The following SYT6 variants were observed in gnomAD, a reference collection of about 807,000 sequenced individuals.
The protein encoded by SYT6 is synaptotagmin-6.
SYT6 carries 24 observed loss-of-function variants against 38.4 expected under a neutral mutation model. That is an observed-to-expected ratio of 0.62 (90% confidence interval 0.45 to 0.88). The LOEUF (loss-of-function observed/expected upper bound fraction) is 0.88. SYT6 is among the 40% of genes least tolerant of loss of function. SYT6 has a pLI of 0.00. For missense variants in SYT6, 611 were observed against 621.0 expected (o/e 0.98, Z 0.17); for synonymous variants, 265 against 241.9 (o/e 1.10, Z -0.89).
chr1:114,119,295 C>T (rs991124841), intron 3 of SYT6, among the ~76,000 whole-genome samples: 3 of 152,190 alleles, frequency 2.0e-5, no homozygotes, highest in African/African-American at 7.2e-5. Context: ...TTTCCAATTC[C>T]ATCCCACAAG....
chr1:114,125,402 T>C (rs1187128465), intron 3 of SYT6, among the ~76,000 whole-genome samples: 1 of 152,208 alleles, frequency 6.6e-6, no homozygotes, highest in African/African-American at 2.4e-5. Context: ...TGGAAAGCTC[T>C]CTACTCAGAT....
At chr1:114,103,379 C>G (rs901856783) in intron 4 of SYT6, among the ~76,000 whole-genome samples, 35 of 152,390 alleles carry the variant, frequency 2.3e-4, no homozygotes, top group African/African-American at 8.4e-4. Context: ...CTCCTGAAAG[C>G]AACCCATGTA....
intron 3 of SYT6, among the ~76,000 whole-genome samples, chr1:114,105,739 G>A (rs1258388312): frequency 6.6e-6 from 1 of 152,186 alleles, no homozygotes; most frequent in Non-Finnish European, 1.5e-5. Context: ...TACAAGCCTT[G>A]CCAGCTGCTT....
intron 3 of SYT6, among the ~76,000 whole-genome samples, chr1:114,125,964 C>T (rs1677704673): frequency 6.6e-6 from 1 of 152,090 alleles, no homozygotes; most frequent in African/African-American, 2.4e-5. Flanking sequence ...CCTTTAACTC[C>T]AAATTCTGTC....
chr1:114,102,288 C>T (rs902967148), intron 4 of SYT6, among the ~76,000 whole-genome samples: 2 of 152,174 alleles, frequency 1.3e-5, no homozygotes, highest in African/African-American at 2.4e-5. Context: ...TAAGCTTTTC[C>T]CAGGCCAGAA....
At chr1:114,103,793 G>A in intron 3 of SYT6, 72 bp from the exon 4 acceptor site, 1 of 1,547,514 alleles carries the variant, frequency 6.5e-7, no homozygotes, top group Non-Finnish European at 8.7e-7. Context: ...TGCAGTATCT[G>A]CTGGGGCGCT....
intron 3 of SYT6, among the ~76,000 whole-genome samples, chr1:114,133,033 G>T (rs566103648): frequency 4.1e-4 from 63 of 152,064 alleles, no homozygotes; most frequent in African/African-American, 1.5e-3. Flanking sequence ...ACCATTTAAG[G>T]CCTCCCTTCC....
intron 3 of SYT6, among the ~76,000 whole-genome samples, chr1:114,105,544 G>A (rs542457305): frequency 5.5e-4 from 84 of 152,026 alleles, no homozygotes; most frequent in Non-Finnish European, 1.1e-3. Flanking sequence ...GGGGCACACT[G>A]TGGAGACAGC....
At position 114,092,014 on chromosome 1, in the gene SYT6, T is replaced by A; in HGVS notation, c.*120A>T. 1 of 1,536,242 alleles carries A rather than the reference T, an allele frequency of 6.5e-7. No individual in the cohort carries two copies. Among genetic ancestry groups the A allele is most frequent in the South Asian group, 1.2e-5 (1 of 84,066 alleles). On this transcript the variant is annotated 3_prime_UTR_variant, in exon 8 of 8. Coordinates refer to ENST00000610222, the MANE Select transcript of SYT6 (RefSeq NM_001253772.2). Reference sequence around the variant, plus strand: ...TTGTGTTATTTGGCTGCACATCTCATGGTGTTGGAGGTGGTTTCGGAGATG... The same window carrying A: ...TTGTGTTATTTGGCTGCACATCTCAAGGTGTTGGAGGTGGTTTCGGAGATG...
chr1:114,129,153 C>A (rs1436581266), intron 3 of SYT6, among the ~76,000 whole-genome samples: 1 of 152,252 alleles, frequency 6.6e-6, no homozygotes, highest in Non-Finnish European at 1.5e-5. Context: ...TCTTCTCTTT[C>A]TCTACACCTT....
At position 114,139,871 on chromosome 1, in the gene SYT6, T is replaced by C; in HGVS notation, c.256A>G (p.Met86Val). The change falls in exon 2 of 8, where the codon ATG becomes GTG. Residue 86 changes from methionine to valine, a missense_variant. Physicochemically the swap from Met to Val is conservative, Grantham distance 21. Transcript: ENST00000610222. ...FLFLFWKLCW[M>V]PWRNKEASSP... ...GAGGCCTCCTTGTTCCTCCAGGGCA[T>C]CCAGCACAGCTTCCAAAAGAGAAAG... 2 of 1,564,126 alleles carry C rather than the reference T, an allele frequency of 1.3e-6. No individual in the cohort carries two copies. Among genetic ancestry groups the C allele is most frequent in the Non-Finnish European group, 1.7e-6 (2 of 1,156,960 alleles).
chr1:114,093,776 G>C lies in SYT6; in HGVS notation c.*10C>G. 3 of 1,614,024 alleles carry C rather than the reference G, an allele frequency of 1.9e-6. No individual in the cohort carries two copies. Among genetic ancestry groups the C allele is most frequent in the Non-Finnish European group, 2.5e-6 (3 of 1,179,978 alleles). ...CAGTCTCTCTGCTTGCAGCATCCACGTGAATGAAATCACAACCGAGGGTTT... is the reference window on the plus strand; with the variant it reads ...CAGTCTCTCTGCTTGCAGCATCCACCTGAATGAAATCACAACCGAGGGTTT... On this transcript the variant is annotated 3_prime_UTR_variant, in exon 7 of 8. Coordinates refer to ENST00000610222, the MANE Select transcript of SYT6 (RefSeq NM_001253772.2).
At position 114,135,769 on chromosome 1, in the gene SYT6, T is replaced by C. The variant is rs558913338; in HGVS notation, c.1071+1726A>G. Reference sequence around the variant, plus strand: ...GAGCAAAGGAGGCTCCTAGAAGGGCTGGGCTGAGCTCTGCTTCCTGCAGCC... The same window carrying C: ...GAGCAAAGGAGGCTCCTAGAAGGGCCGGGCTGAGCTCTGCTTCCTGCAGCC... On this transcript the variant is annotated intron_variant, in intron 3 of 7. Transcript: ENST00000610222. Among the ~76,000 whole-genome samples the C allele has an allele frequency of 4.9e-4, 74 of 152,326 alleles. No individual in the cohort carries two copies. The South Asian group carries it at 0.015, about 31-fold the overall frequency.
At chr1:114,137,093 G>A (rs1476602057) in intron 3 of SYT6, among the ~76,000 whole-genome samples, 1 of 152,188 alleles carries the variant, frequency 6.6e-6, no homozygotes, top group Non-Finnish European at 1.5e-5. Context: ...CATGAACAAG[G>A]CATAAACTTT....
In SYT6 at chr1:114,103,899, T is replaced by C. The variant is rs534542012; in HGVS notation, c.1072-178A>G. 2.6e-5 allele frequency among the ~76,000 whole-genome samples: 4 copies of C among 152,332 alleles called. No individual in the cohort carries two copies. In the East Asian group the frequency reaches 7.7e-4, roughly 29 times the overall value. ...GCAAGTAACAGGGTATAAAAGGCAA[T>C]GGAAACAATATTGCCTCTTCAGTAC... On this transcript the variant is annotated intron_variant, in intron 3 of 7. Coordinates refer to ENST00000610222, the MANE Select transcript of SYT6 (RefSeq NM_001253772.2).
intron 3 of SYT6, among the ~76,000 whole-genome samples, chr1:114,128,268 C>T (rs1308272291): frequency 6.6e-6 from 1 of 152,170 alleles, no homozygotes; most frequent in Non-Finnish European, 1.5e-5. Context: ...GACCTGCATG[C>T]GGGAGTCCAG....
chr1:114,115,132 A>C (rs1310288922), intron 3 of SYT6, among the ~76,000 whole-genome samples: 1 of 152,202 alleles, frequency 6.6e-6, no homozygotes, highest in Admixed American at 6.5e-5. Flanking sequence ...TAAGATCAGC[A>C]TCACTTGGAA....
intron 3 of SYT6, among the ~76,000 whole-genome samples, chr1:114,116,325 A>G (rs574108036): frequency 6.6e-6 from 1 of 152,274 alleles, no homozygotes; most frequent in Admixed American, 6.5e-5. Context: ...CCTGGGCCAA[A>G]ATTCTTGTCC....
chr1:114,130,553 A>G lies in SYT6; in HGVS notation c.1071+6942T>C, dbSNP rs930250817. 3.3e-5 allele frequency among the ~76,000 whole-genome samples: 5 copies of G among 152,010 alleles called. No homozygotes were observed. In the East Asian group the frequency reaches 9.7e-4, roughly 29 times the overall value. On this transcript the variant is annotated intron_variant, in intron 3 of 7. Coordinates refer to ENST00000610222, the MANE Select transcript of SYT6 (RefSeq NM_001253772.2). ...TCTCCTTCTGCCATCTGTATCCCTCATCCCACTCACTCACTCTCCTCGCTT... is the reference window on the plus strand; with the variant it reads ...TCTCCTTCTGCCATCTGTATCCCTCGTCCCACTCACTCACTCTCCTCGCTT...
Sources: gnomAD v4.1 joint callset for allele counts (sites outside exome capture counted in the v4.1 genomes callset) on GRCh38, gnomAD v4.1.1 for gene constraint, MANE v1.5 for transcripts, NCBI Gene and HGNC (gene_info 2026-07-23, HGNC 2026-07-21) for gene names.